SPRED2: variants seen among roughly 807,000 people sequenced by gnomAD.
SPRED2 encodes sprouty related EVH1 domain containing 2.
Under a neutral mutation model 43.0 loss-of-function variants are expected in SPRED2, and 47 were observed. That is an observed-to-expected ratio of 1.09 (90% CI 0.87 to 1.40). The LOEUF (loss-of-function observed/expected upper bound fraction) is 1.40, where lower values mean the gene tolerates loss of function less well. SPRED2 is among the 40% of genes most tolerant of loss of function. The pLI, the probability that SPRED2 is intolerant of heterozygous loss-of-function variation, is 0.00. For missense variants in SPRED2, 561 were observed against 586.4 expected, an observed-to-expected ratio of 0.96 and a Z score of 0.45; for synonymous variants, 225 against 225.7, an observed-to-expected ratio of 1.00 and a Z score of 0.03.
chr2:65,338,823 G>C (rs1415317925), intron 2 of SPRED2, among the ~76,000 whole-genome samples: 1 of 151,708 alleles, frequency 6.6e-6, no homozygotes. Flanking sequence ...GAGCGTCTCT[G>C]CCCGGCCGCC....
intron 1 of SPRED2, among the ~76,000 whole-genome samples, chr2:65,360,077 AACAAAAAAAAACAAAAAAAAAAC>A (rs1674762646): frequency 1.0e-5 from 1 of 95,300 alleles, no homozygotes; most frequent in Admixed American, 1.3e-4. Context: ...AAAAAAAAAA[AACAAAAAAAAACAAAAAAAAAAC>A]AAAAAAAAAA....
At chr2:65,332,898 A>G (rs1055127194) in intron 3 of SPRED2, among the ~76,000 whole-genome samples, 2 of 152,238 alleles carry the variant, frequency 1.3e-5, no homozygotes, top group East Asian at 3.8e-4. Context: ...TGCATCAGTG[A>G]CAGATATACC....
chr2:65,414,158 T>C (rs183323617), intron 1 of SPRED2, among the ~76,000 whole-genome samples: 24 of 152,320 alleles, frequency 1.6e-4, no homozygotes, highest in Middle Eastern at 3.4e-3. Flanking sequence ...GAACAATTTG[T>C]TTTTTCACAG....
At chr2:65,410,862 G>A (rs112104761) in intron 1 of SPRED2, among the ~76,000 whole-genome samples, 3 of 152,246 alleles carry the variant, frequency 2.0e-5, no homozygotes, top group East Asian at 1.9e-4. Context: ...AGGGTCTATC[G>A]TGAGACGGGA....
chr2:65,416,247 G>T (rs550310813), intron 1 of SPRED2, among the ~76,000 whole-genome samples: 1 of 152,184 alleles, frequency 6.6e-6, no homozygotes, highest in Non-Finnish European at 1.5e-5. Context: ...GTTTCTCCTT[G>T]GTGACATCCC....
At chr2:65,308,120 T>C (rs558094963), downstream of SPRED2, among the ~76,000 whole-genome samples, 8 of 152,044 alleles carry the variant, frequency 5.3e-5, 1 homozygote, top group South Asian at 1.7e-3. Flanking sequence ...GGGAAGTGGG[T>C]AGTGGACCAG....
At chr2:65,317,560 A>AC (rs1176335313) in intron 4 of SPRED2, among the ~76,000 whole-genome samples, 88 of 92,734 alleles carry the variant, frequency 9.5e-4, no homozygotes, top group African/African-American at 3.2e-3. Flanking sequence ...AACAACAACA[A>AC]AAACAAAACA....
At chr2:65,309,589 GC>G (rs903014543), downstream of SPRED2, among the ~76,000 whole-genome samples, 12 of 147,176 alleles carry the variant, frequency 8.2e-5, no homozygotes, top group Non-Finnish European at 1.6e-4. Context: ...AGGGACTTGA[GC>G]ATCTGTGGAT....
At chr2:65,401,024 G>A (rs909358115) in intron 1 of SPRED2, among the ~76,000 whole-genome samples, 28 of 152,240 alleles carry the variant, frequency 1.8e-4, no homozygotes, top group South Asian at 6.2e-4. Flanking sequence ...CTGGTATGCA[G>A]TGGTGTGATC....
chr2:65,383,376 A>G (rs1277266977), intron 1 of SPRED2, among the ~76,000 whole-genome samples: 1 of 152,236 alleles, frequency 6.6e-6, no homozygotes, highest in Non-Finnish European at 1.5e-5. Context: ...GTGATGGTCC[A>G]ATGAGGGGTA....
chr2:65,335,289 AT>A (rs1434249659), intron 2 of SPRED2, among the ~76,000 whole-genome samples: 2 of 152,084 alleles, frequency 1.3e-5, no homozygotes, highest in African/African-American at 4.8e-5. Context: ...CTCCTGTATT[AT>A]TAATCACCAG....
At chr2:65,369,372 A>C (rs1354934542) in intron 1 of SPRED2, among the ~76,000 whole-genome samples, 1 of 152,156 alleles carries the variant, frequency 6.6e-6, no homozygotes. Context: ...CATTTTCCAA[A>C]TTTATTTGAC....
intron 1 of SPRED2, among the ~76,000 whole-genome samples, chr2:65,392,768 T>A (rs939846401): frequency 9.9e-5 from 15 of 152,188 alleles, no homozygotes; most frequent in Admixed American, 3.9e-4. Flanking sequence ...TAAAAAGCTG[T>A]ACTTGACAAT....
intron 1 of SPRED2, among the ~76,000 whole-genome samples, chr2:65,378,366 T>C (rs1370205910): frequency 6.6e-6 from 1 of 152,228 alleles, no homozygotes; most frequent in Non-Finnish European, 1.5e-5. Flanking sequence ...CTCTCAGAAA[T>C]ACATACTGAA....
chr2:65,313,319 G>T lies in SPRED2; in HGVS notation c.*182C>A. The T allele has an allele frequency of 6.9e-7, 1 of 1,445,460 alleles. No individual in the cohort carries two copies. The highest frequency in any genetic ancestry group is 9.0e-7 in the Non-Finnish European group (1 of 1,106,966). The allele number at this position is 1,445,460 out of a possible 1,614,324, so 89.5% of individuals were successfully genotyped here. A position where few individuals can be genotyped will look rare whatever the true frequency, so the allele number is the denominator to read the frequency against. ...GGCTGCTGCAGTGTGGGCGGCAGGG[G>T]GAGTGGAGAGTCTACCCGGCAGCGT... On this transcript the variant is annotated 3_prime_UTR_variant, in exon 6 of 6. Coordinates refer to ENST00000356388, the MANE Select transcript of SPRED2 (RefSeq NM_181784.3).
intron 2 of SPRED2, among the ~76,000 whole-genome samples, chr2:65,342,218 ATACGTATATTATGTATGTATATTTTG>A (rs1674208018): frequency 1.0e-4 from 15 of 147,140 alleles, no homozygotes; most frequent in African/African-American, 3.7e-4. Context: ...TATATTTTGT[ATACGTATATTATGTATGTATATTTTG>A]TATACGTATA....
intron 4 of SPRED2, among the ~76,000 whole-genome samples, chr2:65,330,744 C>T (rs1673788275): frequency 6.6e-6 from 1 of 152,174 alleles, no homozygotes; most frequent in Non-Finnish European, 1.5e-5. Flanking sequence ...AGTGTCACTG[C>T]CCTTAAATTC....
chr2:65,314,819 C>T (rs1356907582), intron 5 of SPRED2, among the ~76,000 whole-genome samples: 1 of 152,160 alleles, frequency 6.6e-6, no homozygotes, highest in Non-Finnish European at 1.5e-5. Flanking sequence ...TGGGTGTCTC[C>T]TTCAAGAGAC....
intron 1 of SPRED2, among the ~76,000 whole-genome samples, chr2:65,367,480 A>T (rs35662928): frequency 0.11 from 16,682 of 147,810 alleles, 1,364 homozygotes; most frequent in Non-Finnish European, 0.16. Context: ...ATTAAAAAAA[A>T]TTTTTTTTTC....
Sources: allele counts gnomAD v4.1 joint callset (sites outside exome capture counted in the v4.1 genomes callset), GRCh38; gene constraint gnomAD v4.1.1; transcripts MANE v1.5; gene names NCBI Gene and HGNC (gene_info 2026-07-23, HGNC 2026-07-21).